The following TRIM4 variants were observed in gnomAD, a reference collection of about 807,000 sequenced individuals.
TRIM4 encodes the protein E3 ubiquitin-protein ligase TRIM4.
A neutral mutation model predicts 33.7 loss-of-function variants in TRIM4; 29 were observed. That is an observed-to-expected ratio of 0.86 (90% CI 0.64 to 1.17). The LOEUF (loss-of-function observed/expected upper bound fraction) is 1.17. Among genes scored for constraint, TRIM4 ranks in the 50% most tolerant of loss-of-function variants. TRIM4 has a pLI of 0.00. For synonymous variants in TRIM4, 224 were observed against 233.0 expected, an observed-to-expected ratio of 0.96 and a Z score of 0.35; for missense variants, 554 against 593.7, an observed-to-expected ratio of 0.93 and a Z score of 0.69.
rs1393440458 is a variant in TRIM4, at chr7:99,892,707, A to C, written c.881T>G (p.Leu294Arg). Residue 294 changes from leucine to arginine, a missense_variant, in exon 6 of 6, where the codon CTC becomes CGC. Leu to Arg is a moderately radical substitution (Grantham distance 102). Around this residue, in one of 3 missense-constraint regions of TRIM4, gnomAD observed 290 missense variants for 335.8 expected, o/e 0.86. Coordinates refer to ENST00000349062, the MANE Select transcript of TRIM4 (RefSeq NM_033091.3). ...NLAEDTAHPK[L>R]VFSQEGRYVK... ...GTATCTCCCTTCCTGGGAGAAGACG[A>C]GTTTGGGATGAGCTGTGTCTTCAGC... 1 of 1,613,908 alleles carries C rather than the reference A, an allele frequency of 6.2e-7. No individual in the cohort carries two copies. The highest frequency in any genetic ancestry group is 8.5e-7 in the Non-Finnish European group (1 of 1,180,016).
chr7:99,892,659 C>T lies in TRIM4; in HGVS notation c.929G>A (p.Ser310Asn). 1 of 1,614,206 alleles carries T rather than the reference C, an allele frequency of 6.2e-7. No homozygotes were observed. Among genetic ancestry groups the T allele is most frequent in the Non-Finnish European group, 8.5e-7 (1 of 1,180,038 alleles). ...GRYVKNTASA[S>N]SWPVFSSAWN... ...TGCTGAAGAAAACACTGGCCAAGAA[C>T]TGGCTGATGCTGTATTTTTCACGTA... The change falls in exon 6 of 6, where the codon AGT becomes AAT. Residue 310 changes from serine to asparagine, a missense_variant. Ser to Asn is a conservative substitution (Grantham distance 46). Around this residue, in one of 3 missense-constraint regions of TRIM4, gnomAD observed 290 missense variants for 335.8 expected, o/e 0.86. Transcript: ENST00000349062.
rs753207069 is a variant in TRIM4, at chr7:99,892,332, C to A, written c.1256G>T (p.Arg419Leu). The A allele has an allele frequency of 2.5e-6, 4 of 1,614,068 alleles. No individual in the cohort carries two copies. The African/African-American group carries it at 4.0e-5, about 16-fold the overall frequency. ...CCCACGATCCAGGTAAACCCCCACTCGGTGGAGAGCTGGCTCTTGCTGGGT... is the reference window on the plus strand; with the variant it reads ...CCCACGATCCAGGTAAACCCCCACTAGGTGGAGAGCTGGCTCTTGCTGGGT... The part of the protein sequence containing the change: ...TPTQQEPALH[R>L]VGVYLDRGTG... The change falls in exon 6 of 6, where the codon CGA (arginine) becomes CTA (leucine). Residue 419 changes from arginine to leucine, a missense_variant. Around this residue, in one of 3 missense-constraint regions of TRIM4, gnomAD observed 290 missense variants for 335.8 expected, o/e 0.86. Transcript: ENST00000349062.
At chr7:99,902,949 A>G (rs1054122949) in intron 5 of TRIM4, among the ~76,000 whole-genome samples, 2 of 152,036 alleles carry the variant, frequency 1.3e-5, no homozygotes, top group Non-Finnish European at 1.5e-5. Flanking sequence ...GGCTCCTACT[A>G]TATCACTGTG....
At chr7:99,905,962 T>G (rs1819293476) in intron 3 of TRIM4, among the ~76,000 whole-genome samples, 1 of 151,604 alleles carries the variant, frequency 6.6e-6, no homozygotes, top group African/African-American at 2.4e-5. Context: ...CTGGCCAACA[T>G]GGCAAAACCC....
chr7:99,908,895 C>T (rs1340064281), intron 2 of TRIM4, 83 bp from the exon 3 acceptor site: 1 of 1,308,378 alleles, frequency 7.6e-7, no homozygotes, highest in Non-Finnish European at 1.1e-6. Context: ...CAGTAATCCA[C>T]AGTCAATCCT....
chr7:99,893,922 G>A (rs117578328), intron 5 of TRIM4, among the ~76,000 whole-genome samples: 2,552 of 149,800 alleles, frequency 0.017, 37 homozygotes, highest in Non-Finnish European at 0.027. Context: ...GCTAGAGTTT[G>A]ACAAATGCTT....
chr7:99,890,557 C>G lies in TRIM4; in HGVS notation c.*1606G>C, dbSNP rs1818870576. 1 of 152,196 alleles carries G rather than the reference C, an allele frequency of 6.6e-6. No homozygotes were observed. The allele number at this position is 152,196 out of a possible 1,614,324, so 9.4% of individuals were successfully genotyped here. ...TGCAGCCATAAAAAAAGAATGAGAT[C>G]ATGTCTTTGCAGCAACATGGATGGA... On this transcript the variant is annotated 3_prime_UTR_variant, in exon 6 of 6. Transcript: ENST00000349062.
chr7:99,904,140 TC>T, intron 3 of TRIM4, among the ~76,000 whole-genome samples: 1 of 152,182 alleles, frequency 6.6e-6, no homozygotes, highest in East Asian at 1.9e-4. Flanking sequence ...ATAACCTTGT[TC>T]CTTAAGCCAT....
chr7:99,917,038 G>A (rs1819570156), intron 1 of TRIM4, among the ~76,000 whole-genome samples: 1 of 152,106 alleles, frequency 6.6e-6, no homozygotes, highest in South Asian at 2.1e-4. Context: ...TGTTCCTTTG[G>A]CCTGAAATAC....
rs1389658371 is a variant in TRIM4, at chr7:99,903,555, T to C, written c.743+21A>G. The C allele has an allele frequency of 3.7e-6, 6 of 1,613,992 alleles. No individual in the cohort carries two copies. The African/African-American group carries it at 5.3e-5, about 14-fold the overall frequency. ...CTTTACCATGCCACCCAGGTCCCCA[T>C]AAGAGAACAGGAGTGCATACCTGGT... On this transcript the variant is annotated intron_variant, in intron 4 of 5. Coordinates refer to ENST00000349062, the MANE Select transcript of TRIM4 (RefSeq NM_033091.3).
chr7:99,909,950 T>C (rs1339360243), intron 1 of TRIM4, among the ~76,000 whole-genome samples: 1 of 152,026 alleles, frequency 6.6e-6, no homozygotes, highest in African/African-American at 2.4e-5. Context: ...CAGGCTGGTC[T>C]TGAACTCCTG....
In TRIM4 at chr7:99,919,403, CT is replaced by C. The variant is rs779483842; in HGVS notation, c.-3del. On this transcript the variant is annotated 5_prime_UTR_variant, in exon 1 of 6. Transcript: ENST00000349062. ...CTCCTGGATGTCCTCAGCTTCCATG[CT>C]GCTTCCCTGCCGCGGAGACGGAGTC... The C allele has an allele frequency of 6.5e-7, 1 of 1,536,858 alleles. No homozygotes were observed. Among genetic ancestry groups the C allele is most frequent in the East Asian group, 2.6e-5 (1 of 37,962 alleles).
intron 1 of TRIM4, among the ~76,000 whole-genome samples, chr7:99,916,332 ATCT>A (rs771818194): frequency 4.6e-5 from 7 of 152,050 alleles, no homozygotes; most frequent in African/African-American, 7.3e-5. Context: ...GGAGAATCTC[ATCT>A]TCTTACTTCT....
intron 5 of TRIM4, among the ~76,000 whole-genome samples, chr7:99,899,430 T>G (rs868338554): frequency 3.3e-5 from 5 of 152,192 alleles, no homozygotes; most frequent in Non-Finnish European, 5.9e-5. Context: ...ATAAACCCCA[T>G]GTCTCATTCA....
intron 3 of TRIM4, among the ~76,000 whole-genome samples, chr7:99,903,872 C>T (rs1584266327): frequency 2.0e-5 from 3 of 152,330 alleles, no homozygotes; most frequent in African/African-American, 4.8e-5. Context: ...CAACTAGTCT[C>T]AATCACAGAG....
intron 1 of TRIM4, among the ~76,000 whole-genome samples, chr7:99,913,105 A>G (rs1271504776): frequency 6.6e-6 from 1 of 152,228 alleles, no homozygotes; most frequent in East Asian, 1.9e-4. Context: ...GAAAAATATA[A>G]TAATCTACTA....
At chr7:99,912,748 C>T (rs1819475238) in intron 1 of TRIM4, among the ~76,000 whole-genome samples, 1 of 152,102 alleles carries the variant, frequency 6.6e-6, no homozygotes, top group African/African-American at 2.4e-5. Flanking sequence ...CAAAATTCTT[C>T]CAACTTTGAT....
At position 99,907,299 on chromosome 7, in the gene TRIM4, G is replaced by A. The variant is rs529237537; in HGVS notation, c.720+1283C>T. On this transcript the variant is annotated intron_variant, in intron 3 of 5. Coordinates refer to ENST00000349062, the MANE Select transcript of TRIM4 (RefSeq NM_033091.3). ...TCCCCAGCTAATTTTTAGTAGAGAC[G>A]GGGTTTCACCATGTTGGCCAGTCTG... Among the ~76,000 whole-genome samples, 467 of 151,948 alleles carry A rather than the reference G, an allele frequency of 3.1e-3. 6 individuals carry two copies. Among genetic ancestry groups the A allele is most frequent in the Non-Finnish European group, 4.9e-3 (331 of 68,006 alleles).
intron 3 of TRIM4, 79 bp downstream of exon 3, chr7:99,908,503 A>G: frequency 8.5e-7 from 1 of 1,170,606 alleles, no homozygotes; most frequent in Non-Finnish European, 1.2e-6. Context: ...CCCACTCACC[A>G]GGAAGGACAT....
Sources: gnomAD v4.1 joint callset for allele counts (sites outside exome capture counted in the v4.1 genomes callset) on GRCh38, gnomAD v4.1.1 for gene constraint, gnomAD v4.1.1 regional missense constraint, MANE v1.5 for transcripts, NCBI Gene and HGNC (gene_info 2026-07-23, HGNC 2026-07-21) for gene names.